Variants in STAG3 observed in about 807,000 individuals in gnomAD.
The protein encoded by STAG3 is cohesin subunit SA-3.
A neutral mutation model predicts 160.7 loss-of-function variants in STAG3; 101 were observed. That is an observed-to-expected ratio of 0.63 (90% CI 0.54 to 0.74). STAG3 has a LOEUF of 0.74. STAG3 is among the 30% of genes least tolerant of loss of function. The probability of loss-of-function intolerance (pLI) is 0.00; values close to 1 mark genes in which losing one functional copy is unlikely to be tolerated. For missense variants in STAG3, 1,188 were observed against 1,517.4 expected (o/e 0.78, Z 3.61); for synonymous variants, 519 against 585.0 (o/e 0.89, Z 1.63).
At chr7:100,216,291 A>G (rs77654185), downstream of STAG3, among the ~76,000 whole-genome samples, 2,276 of 152,156 alleles carry the variant, frequency 0.015, 57 homozygotes, top group African/African-American at 0.052. Context: ...GGACATTTGT[A>G]TCAGTTTTTT....
Position 100,211,087 on chromosome 7 carries a change from G to A in STAG3, c.3315G>A (p.Thr1105=). The A allele has an allele frequency of 1.8e-6, 2 of 1,096,134 alleles. No individual in the cohort carries two copies. The highest frequency in any genetic ancestry group is 2.7e-6 in the Non-Finnish European group (2 of 750,212). 67.9% of individuals were successfully genotyped at this position (1,096,134 alleles called of 1,614,324 possible). A position where few individuals can be genotyped will look rare whatever the true frequency, so the allele number is the denominator to read the frequency against. Residue 1105 remains threonine, a synonymous_variant, in exon 30 of 34, where the codon ACG becomes ACA. Coordinates refer to ENST00000615138, the MANE Select transcript of STAG3 (RefSeq NM_001282717.2). ...ESLQLNSIPP[T]PTLTSTAVKS... ...TGCAGCTGAACAGCATCCCGCCCAC[G>A]CCCACCCTCACCTCCACAGCTGTGA...
At position 100,213,992 on chromosome 7, in the gene STAG3, T is replaced by A. The variant is rs200188655; in HGVS notation, c.3673-15T>A. ...TGCTGTGTCCTGTGTATTCCTTTCATCTTTCTCATTATAGGATTTCTGACA... is the reference window on the plus strand; with the variant it reads ...TGCTGTGTCCTGTGTATTCCTTTCAACTTTCTCATTATAGGATTTCTGACA... On this transcript the variant is annotated splice_polypyrimidine_tract_variant and intron_variant, in intron 33 of 33. Transcript: ENST00000615138. 12 of 1,614,142 alleles carry A rather than the reference T, an allele frequency of 7.4e-6. No homozygotes were observed. The South Asian group carries it at 9.9e-5, about 13-fold the overall frequency.
At position 100,200,482 on chromosome 7, in the gene STAG3, C is replaced by T. The variant is rs1433225815; in HGVS notation, c.1800C>T (p.Pro600=). The change falls in exon 18 of 34, where the codon CCC becomes CCT. Residue 600 remains proline, a synonymous_variant. Transcript: ENST00000615138. ...CAGCTGATGCAGAGAAGGTCACTCCCCTGCTCCAGCTTCTCAGCTGCTTTG... is the reference window on the plus strand; with the variant it reads ...CAGCTGATGCAGAGAAGGTCACTCCTCTGCTCCAGCTTCTCAGCTGCTTTG... ...KFSADAEKVT[P]LLQLLSCFDL... The T allele has an allele frequency of 1.2e-6, 2 of 1,614,146 alleles. No individual in the cohort carries two copies. Among genetic ancestry groups the T allele is most frequent in the South Asian group, 1.1e-5 (1 of 91,078 alleles).
chr7:100,211,492 G>T lies in STAG3; in HGVS notation c.3471G>T (p.Gln1157His). The change falls in exon 31 of 34, where the codon CAG becomes CAT. Residue 1157 changes from glutamine to histidine, a missense_variant. Transcript: ENST00000615138. ...GGTTCTTGGGTCCACAATATTTCCA[G>T]ACTCCACACAACCCTTCAGGTCCTG... ...RSRFLGPQYF[Q>H]TPHNPSGPGL... The T allele has an allele frequency of 1.9e-6, 3 of 1,613,566 alleles. No homozygotes were observed. Among genetic ancestry groups the T allele is most frequent in the Non-Finnish European group, 2.5e-6 (3 of 1,179,958 alleles).
rs142195721 is a variant in STAG3, at chr7:100,214,207, C to T, written c.*192C>T. The T allele has an allele frequency of 3.8e-3, 2,650 of 705,558 alleles. 55 individuals carry two copies. The African/African-American group carries it at 0.042, about 11-fold the overall frequency. The allele number at this position is 705,558 out of a possible 1,614,324, so 43.7% of individuals were successfully genotyped here. On this transcript the variant is annotated 3_prime_UTR_variant, in exon 34 of 34. Coordinates refer to ENST00000615138, the MANE Select transcript of STAG3 (RefSeq NM_001282717.2). The stretch of plus-strand genomic sequence containing the variant: ...GGTAGAGAAGCCGAGAGACCCTGTC[C>T]TCCCTAATGCACTGTGGCCCAGTCC...
At chr7:100,200,606 G>T in intron 18 of STAG3, 64 bp downstream of exon 18, 3 of 1,574,220 alleles carry the variant, frequency 1.9e-6, no homozygotes, top group Non-Finnish European at 2.6e-6. Flanking sequence ...TCTATTGCCA[G>T]TATCTTTTTT....
intron 31 of STAG3, 31 bp downstream of exon 31, chr7:100,211,570 C>G: frequency 6.2e-7 from 1 of 1,607,240 alleles, no homozygotes; most frequent in Non-Finnish European, 8.5e-7. Context: ...CCTGTCTTCA[C>G]TTCAGATCTG....
At chr7:100,212,051 T>C in intron 32 of STAG3, 175 bp downstream of exon 32, 1 of 548,488 alleles carries the variant, frequency 1.8e-6, no homozygotes. Flanking sequence ...GACTCTACTT[T>C]TATTAAAGAA....
chr7:100,188,970 C>T lies in STAG3; in HGVS notation c.669C>T (p.Leu223=), dbSNP rs759575512. 3.1e-6 allele frequency: 5 copies of T among 1,614,066 alleles called. No homozygotes were observed. The highest frequency in any genetic ancestry group is 2.7e-5 in the African/African-American group (2 of 74,914). The part of the protein sequence containing the change: ...MDDLISLLTG[L]SDSQVRAFRH... ...ACCTCATCTCCCTGCTCACTGGCCT[C>T]TCAGACTCACAAGTCCGCGCCTTCC... The change falls in exon 7 of 34, where the codon CTC becomes CTT. Residue 223 remains leucine, a synonymous_variant. Transcript: ENST00000615138.
chr7:100,205,285 G>A lies in STAG3; in HGVS notation c.3139G>A (p.Gly1047Ser), dbSNP rs1171590474. 2 of 1,613,958 alleles carry A rather than the reference G, an allele frequency of 1.2e-6. No homozygotes were observed. Among genetic ancestry groups the A allele is most frequent in the African/African-American group, 2.7e-5 (2 of 74,892 alleles). Reference protein sequence around the residue: ...HVSQAPGHPWGPVTTYCHSLS... With the variant: ...HVSQAPGHPWSPVTTYCHSLS... ...CTCCCAGGCACCTGGCCATCCCTGG[G>A]GCCCAGTCACCACCTACTGCCACTC... is the stretch of plus-strand genomic sequence containing the variant. The change falls in exon 29 of 34, where the codon GGC becomes AGC. Residue 1047 changes from glycine (G) to serine (S), a missense_variant. Gly to Ser is a moderately conservative substitution (Grantham distance 56). This residue lies in a region of STAG3 where 647 missense variants were observed against 717.2 expected (regional missense o/e 0.90). Transcript: ENST00000615138.
chr7:100,192,571 C>CG (rs761781588), intron 8 of STAG3, among the ~76,000 whole-genome samples: 6 of 152,086 alleles, frequency 3.9e-5, no homozygotes, highest in South Asian at 2.1e-4. Context: ...CCTTCCCGGA[C>CG]GGGGGGTTGA....
chr7:100,205,064 C>T lies in STAG3; in HGVS notation c.3011C>T (p.Pro1004Leu). 1.9e-6 allele frequency: 3 copies of T among 1,614,184 alleles called. No homozygotes were observed. The highest frequency in any genetic ancestry group is 1.3e-5 in the African/African-American group (1 of 75,044). Reference sequence around the variant, plus strand: ...CCAGCTGGCTCCTCCAATCAGCCTCCAAATCTGGCATTCCTGGAGCTCCTT... The same window carrying T: ...CCAGCTGGCTCCTCCAATCAGCCTCTAAATCTGGCATTCCTGGAGCTCCTT... Reference protein sequence around the residue: ...LPPAGSSNQPPNLAFLELLSE... With the variant: ...LPPAGSSNQPLNLAFLELLSE... Residue 1004 changes from proline (P) to leucine (L), a missense_variant, in exon 28 of 34, where the codon CCA becomes CTA. Physicochemically the swap from Pro to Leu is moderately conservative, Grantham distance 98. Around this residue, in one of 4 missense-constraint regions of STAG3, gnomAD observed 647 missense variants for 717.2 expected, o/e 0.90. Coordinates refer to ENST00000615138, the MANE Select transcript of STAG3 (RefSeq NM_001282717.2).
At chr7:100,192,743 C>T (rs920953519) in intron 8 of STAG3, among the ~76,000 whole-genome samples, 3 of 152,050 alleles carry the variant, frequency 2.0e-5, no homozygotes, top group Admixed American at 6.6e-5. Flanking sequence ...GATTGCATAC[C>T]ACATCTGGCT....
chr7:100,182,246 C>G (rs1171256934), intron 3 of STAG3, 54 bp downstream of exon 3: 5 of 1,368,202 alleles, frequency 3.7e-6, no homozygotes, highest in Non-Finnish European at 5.1e-6. Context: ...AGCAGCCCAG[C>G]TACTTGGGAG....
At chr7:100,193,845 G>T (rs753684866) in intron 8 of STAG3, among the ~76,000 whole-genome samples, 4 of 151,424 alleles carry the variant, frequency 2.6e-5, no homozygotes, top group African/African-American at 4.8e-5. Flanking sequence ...TTTCTTTCAA[G>T]AATTTTTCTT....
rs1055676300 is a variant in STAG3 at position 100,189,526 on chromosome 7, C to T, written c.797C>T (p.Ala266Val). ...HQDNNQRQYE[A>V]ERNKGPGQRA... ...GATAACAATCAGCGTCAGTATGAGG[C>T]TGAAAGAAACAAGGGGCCAGGGCAG... Residue 266 changes from alanine (A) to valine (V), a missense_variant, in exon 8 of 34, where the codon GCT becomes GTT. This residue lies in a region of STAG3 where 296 missense variants were observed against 404.0 expected (regional missense o/e 0.73). Coordinates refer to ENST00000615138, the MANE Select transcript of STAG3 (RefSeq NM_001282717.2). 2.5e-6 allele frequency: 4 copies of T among 1,614,166 alleles called. No individual in the cohort carries two copies. Among genetic ancestry groups the T allele is most frequent in the Non-Finnish European group, 3.4e-6 (4 of 1,180,012 alleles).
In STAG3 at chr7:100,197,364, G is replaced by A. The variant is rs1231545313; in HGVS notation, c.1065+85G>A. The A allele has an allele frequency of 3.8e-6, 6 of 1,570,898 alleles. No homozygotes were observed. In the Admixed American group the frequency reaches 6.7e-5, roughly 18 times the overall value. On this transcript the variant is annotated intron_variant, in intron 10 of 33. Coordinates refer to ENST00000615138, the MANE Select transcript of STAG3 (RefSeq NM_001282717.2). ...TTCACCTTTTCCTGGGCCTGCCACTGAGATATTTTACCTAGTGACCAATGA... is the reference window on the plus strand; with the variant it reads ...TTCACCTTTTCCTGGGCCTGCCACTAAGATATTTTACCTAGTGACCAATGA...
At chr7:100,182,266 G>A (rs1799693429) in intron 3 of STAG3, 74 bp downstream of exon 3, 1 of 1,092,682 alleles carries the variant, frequency 9.2e-7, no homozygotes, top group Non-Finnish European at 1.3e-6. Flanking sequence ...GGCTGAGGCA[G>A]GAGAATGGCG....
At chr7:100,188,743 C>A in intron 6 of STAG3, 69 bp from the exon 7 acceptor site, 1 of 1,503,566 alleles carries the variant, frequency 6.7e-7, no homozygotes, top group Non-Finnish European at 9.2e-7. Flanking sequence ...TGAGTTTTGA[C>A]ATCCAAGCCC....
Sources: gnomAD v4.1 joint callset for allele counts (sites outside exome capture counted in the v4.1 genomes callset) on GRCh38, gnomAD v4.1.1 for gene constraint, gnomAD v4.1.1 regional missense constraint, MANE v1.5 for transcripts, NCBI Gene and HGNC (gene_info 2026-07-23, HGNC 2026-07-21) for gene names.